Variants in PBX1 observed in about 807,000 individuals in gnomAD.
PBX1 encodes PBX homeobox 1, also known as pre-B-cell leukemia transcription factor 1.
PBX1 carries 6 observed loss-of-function variants against 53.4 expected under a neutral mutation model. The ratio of observed to expected loss-of-function variants is 0.11; its 90% confidence interval spans 0.06 to 0.22. The LOEUF is 0.22. Among genes scored for constraint, PBX1 ranks in the 10% least tolerant of loss-of-function variants. The pLI is 1.00. For synonymous variants in PBX1, 204 were observed against 212.3 expected (o/e 0.96, Z 0.34); for missense variants, 251 against 551.4 (o/e 0.46, Z 5.46).
intron 2 of PBX1, among the ~76,000 whole-genome samples, chr1:164,681,718 A>C (rs1001769184): frequency 2.6e-5 from 4 of 152,212 alleles, no homozygotes; most frequent in Non-Finnish European, 4.4e-5. Context: ...AAAACTACCT[A>C]TGAGGTACTA....
chr1:164,750,291 A>G (rs1239126198), intron 2 of PBX1, among the ~76,000 whole-genome samples: 1 of 152,004 alleles, frequency 6.6e-6, no homozygotes, highest in Non-Finnish European at 1.5e-5. Context: ...ATCTGAGAAT[A>G]TAGTATTTAG....
In PBX1 at chr1:164,632,269, A is replaced by G. The variant is rs773441116; in HGVS notation, c.265+68958A>G. On this transcript the variant is annotated intron_variant, in intron 2 of 8. Transcript: ENST00000420696. ...ATGGCTGCACTGGAGTTGAAGTTAC[A>G]AAGCAGGAAGTATCATTTAGTGCCC... is the stretch of plus-strand genomic sequence containing the variant. Among the ~76,000 whole-genome samples the G allele has an allele frequency of 5.3e-5, 8 of 152,114 alleles. No homozygotes were observed. In the South Asian group the frequency reaches 1.0e-3, roughly 20 times the overall value.
intron 2 of PBX1, among the ~76,000 whole-genome samples, chr1:164,876,240 G>A (rs1177261552): frequency 1.3e-5 from 2 of 151,944 alleles, no homozygotes; most frequent in African/African-American, 4.8e-5. Context: ...TTGATAAACA[G>A]GTTGGCTTCT....
At chr1:164,643,232 T>A (rs1659249757) in intron 2 of PBX1, among the ~76,000 whole-genome samples, 2 of 152,176 alleles carry the variant, frequency 1.3e-5, no homozygotes, top group African/African-American at 4.8e-5. Flanking sequence ...AATGGGGCGT[T>A]GCAGACGCTC....
chr1:164,728,982 T>C (rs894181912), intron 2 of PBX1, among the ~76,000 whole-genome samples: 3 of 152,216 alleles, frequency 2.0e-5, no homozygotes, highest in Non-Finnish European at 4.4e-5. Context: ...GGGTTACTGC[T>C]GGTAGGCTCC....
rs1383226624 is a variant in PBX1, at chr1:164,860,276, G to T, written n.257+28793G>T. Among the ~76,000 whole-genome samples, 8 of 152,160 alleles carry T rather than the reference G, an allele frequency of 5.3e-5. No homozygotes were observed. In the East Asian group the frequency reaches 1.5e-3, roughly 29 times the overall value. On this transcript the variant is annotated intron_variant and non_coding_transcript_variant, in intron 2 of 2. Transcript: ENST00000558796. ...ATACTTATTGACAGCTGAATGCTGG[G>T]AATACACTAGTGCATGATCACTTAG...
At chr1:164,656,300 T>A (rs1660159885) in intron 2 of PBX1, among the ~76,000 whole-genome samples, 1 of 152,170 alleles carries the variant, frequency 6.6e-6, no homozygotes. Flanking sequence ...AAGTCTCAGT[T>A]ACATTTAAAT....
chr1:164,598,627 C>A (rs1389891955), intron 2 of PBX1, among the ~76,000 whole-genome samples: 1 of 152,184 alleles, frequency 6.6e-6, no homozygotes, highest in Non-Finnish European at 1.5e-5. Flanking sequence ...CCTTGAAAAA[C>A]CTGATTGCAT....
At chr1:164,638,206 G>A (rs1003311086) in intron 2 of PBX1, among the ~76,000 whole-genome samples, 1 of 152,228 alleles carries the variant, frequency 6.6e-6, no homozygotes, top group Non-Finnish European at 1.5e-5. Flanking sequence ...CAGCGGCAGC[G>A]TGGTCACTTG....
intron 2 of PBX1, chr1:164,626,064 A>T (rs1038806699): frequency 2.9e-6 from 3 of 1,035,722 alleles, no homozygotes; most frequent in East Asian, 5.8e-5. Context: ...CCCACACACC[A>T]CCACCCCAGT....
chr1:164,630,576 CAGATA>C (rs754286065), intron 2 of PBX1, among the ~76,000 whole-genome samples: 5 of 152,184 alleles, frequency 3.3e-5, no homozygotes, highest in African/African-American at 1.2e-4. Flanking sequence ...TCCTACCAAG[CAGATA>C]AGATGAGATA....
intron 2 of PBX1, among the ~76,000 whole-genome samples, chr1:164,858,711 C>T (rs1381099566): frequency 6.6e-6 from 1 of 152,142 alleles, no homozygotes; most frequent in Non-Finnish European, 1.5e-5. Context: ...AAAGCAAACA[C>T]TGGAAGGGAT....
rs144057599 is a variant in PBX1 at position 164,618,666 on chromosome 1, T to A, written c.265+55355T>A. Among the ~76,000 whole-genome samples, 21 of 152,346 alleles carry A rather than the reference T, an allele frequency of 1.4e-4. No individual in the cohort carries two copies. In the East Asian group the frequency reaches 3.9e-3, roughly 28 times the overall value. ...TTACCAAGCTCTGCTTCAGTAATCC[T>A]ATCACTTGCCTGAAGAATTCATTAT... On this transcript the variant is annotated intron_variant, in intron 2 of 8. Transcript: ENST00000420696.
At chr1:164,836,202 T>C (rs1460936340) in intron 8 of PBX1, among the ~76,000 whole-genome samples, 1 of 152,190 alleles carries the variant, frequency 6.6e-6, no homozygotes, top group East Asian at 1.9e-4. Flanking sequence ...TTGTTTCTTT[T>C]ACTATCTGTA....
chr1:164,821,768 C>A, intron 8 of PBX1, 142 bp downstream of exon 8: 2 of 709,972 alleles, frequency 2.8e-6, no homozygotes, highest in Non-Finnish European at 5.0e-6. Flanking sequence ...CTGTATCGGT[C>A]ATGCCATCGG....
rs142958296 is a variant in PBX1 at position 164,563,196 on chromosome 1, T to G, written c.192-42T>G. 5.4e-3 allele frequency: 7,628 copies of G among 1,414,342 alleles called. 27 individuals carry two copies. The highest frequency in any genetic ancestry group is 6.9e-3 in the Non-Finnish European group (6,928 of 1,007,142). The allele number at this position is 1,414,342 out of a possible 1,614,324, so 87.6% of individuals were successfully genotyped here. A position where few individuals can be genotyped will look rare whatever the true frequency, so the allele number is the denominator to read the frequency against. ...CCTGTGCATTATCGGCAGTTTGATC[T>G]TGAGAGTCCACCTAAGCTATCATGT... On this transcript the variant is annotated intron_variant, in intron 1 of 8. Coordinates refer to ENST00000420696, the MANE Select transcript of PBX1 (RefSeq NM_002585.4).
chr1:164,562,682 C>T (rs1036169442), intron 1 of PBX1: 1 of 152,240 alleles, frequency 6.6e-6, no homozygotes, highest in Non-Finnish European at 1.5e-5. Flanking sequence ...CAATGCATTT[C>T]CATACTCTTT....
chr1:164,572,243 A>G (rs952094966), intron 2 of PBX1, among the ~76,000 whole-genome samples: 15 of 152,058 alleles, frequency 9.9e-5, no homozygotes, highest in African/African-American at 3.1e-4. Flanking sequence ...TTCTTAAGTC[A>G]TAGTGTAAAT....
chr1:164,625,823 A>T, intron 2 of PBX1: 1 of 496,604 alleles, frequency 2.0e-6, no homozygotes, highest in Non-Finnish European at 2.6e-6. Context: ...AAAAAAAAAA[A>T]AGAAAAAAAA....
Sources: allele counts gnomAD v4.1 joint callset (sites outside exome capture counted in the v4.1 genomes callset), GRCh38; gene constraint gnomAD v4.1.1; transcripts MANE v1.5; gene names NCBI Gene and HGNC (gene_info 2026-07-23, HGNC 2026-07-21).